PRLR: variants seen among roughly 807,000 people sequenced by gnomAD.
PRLR encodes prolactin receptor.
A neutral mutation model predicts 40.2 loss-of-function variants in PRLR; 13 were observed. The ratio of observed to expected loss-of-function variants is 0.32; its 90% CI spans 0.21 to 0.51. PRLR has a LOEUF of 0.51. Among genes scored for constraint, PRLR ranks in the 20% least tolerant of loss-of-function variants. The pLI, the probability that PRLR is intolerant of heterozygous loss-of-function variation, is 0.97. For synonymous variants in PRLR, 269 were observed against 278.7 expected, an observed-to-expected ratio of 0.97 and a Z score of 0.35; for missense variants, 656 against 747.3, an observed-to-expected ratio of 0.88 and a Z score of 1.42.
At chr5:35,165,007 A>C (rs943956976) in intron 1 of PRLR, among the ~76,000 whole-genome samples, 3 of 152,236 alleles carry the variant, frequency 2.0e-5, no homozygotes, top group Non-Finnish European at 2.9e-5. Context: ...GAGTCCCCTT[A>C]GTACATTTAC....
chr5:35,126,399 T>C (rs1221392189), intron 1 of PRLR, among the ~76,000 whole-genome samples: 1 of 152,244 alleles, frequency 6.6e-6, no homozygotes, highest in Non-Finnish European at 1.5e-5. Context: ...CATCCCAGGT[T>C]CTCACTTTTA....
chr5:35,164,978 C>T (rs561946678), intron 1 of PRLR, among the ~76,000 whole-genome samples: 6 of 152,226 alleles, frequency 3.9e-5, no homozygotes, highest in Non-Finnish European at 7.4e-5. Flanking sequence ...GGTCCACTTA[C>T]GAATGAGAGG....
At chr5:35,099,854 G>A (rs1252889953) in intron 2 of PRLR, among the ~76,000 whole-genome samples, 1 of 152,184 alleles carries the variant, frequency 6.6e-6, no homozygotes, top group Non-Finnish European at 1.5e-5. Flanking sequence ...GCTGAACAAT[G>A]TGTTTGTGTT....
intron 1 of PRLR, among the ~76,000 whole-genome samples, chr5:35,188,758 C>T (rs1042457206): frequency 4.6e-5 from 7 of 152,178 alleles, no homozygotes; most frequent in Admixed American, 6.5e-5. Context: ...ATCTCAATGC[C>T]GTCCACTGTC....
chr5:35,119,388 A>T (rs112932819), intron 1 of PRLR, among the ~76,000 whole-genome samples: 3,840 of 109,810 alleles, frequency 0.035, 55 homozygotes, highest in Middle Eastern at 0.074. Flanking sequence ...TCTCTCTCTC[A>T]CACACACACA....
chr5:35,089,698 T>C, intron 2 of PRLR, 35 bp from the exon 3 acceptor site: 10 of 1,397,796 alleles, frequency 7.2e-6, no homozygotes, highest in East Asian at 2.3e-5. Context: ...TTTTGTGAAA[T>C]GGCAGTCTGG....
chr5:35,122,229 C>T (rs1773315353), intron 1 of PRLR, among the ~76,000 whole-genome samples: 1 of 152,060 alleles, frequency 6.6e-6, no homozygotes, highest in African/African-American at 2.4e-5. Flanking sequence ...TACTGAAGTT[C>T]TTTCTTGTTT....
chr5:35,157,108 T>C (rs1774532192), intron 1 of PRLR, among the ~76,000 whole-genome samples: 1 of 152,018 alleles, frequency 6.6e-6, no homozygotes. Context: ...GTCACAAGAC[T>C]TGAGGAAGCT....
At chr5:35,167,816 A>T (rs1774886276) in intron 1 of PRLR, among the ~76,000 whole-genome samples, 1 of 151,892 alleles carries the variant, frequency 6.6e-6, no homozygotes, top group Admixed American at 6.6e-5. Flanking sequence ...AACAAAGAAG[A>T]TAAATGAAAA....
chr5:35,228,537 G>A (rs1247051037), intron 1 of PRLR, among the ~76,000 whole-genome samples: 1 of 152,182 alleles, frequency 6.6e-6, no homozygotes, highest in Admixed American at 6.5e-5. Context: ...CAAAGCCTTG[G>A]CCTCCCTGCC....
chr5:35,054,483 A>C (rs572133903), downstream of PRLR, among the ~76,000 whole-genome samples: 2 of 150,510 alleles, frequency 1.3e-5, no homozygotes, highest in African/African-American at 5.0e-5. Flanking sequence ...CATTTATGGC[A>C]ATGAAAATTA....
At chr5:35,198,651 C>T (rs906423810) in intron 1 of PRLR, among the ~76,000 whole-genome samples, 1 of 152,222 alleles carries the variant, frequency 6.6e-6, no homozygotes, top group Admixed American at 6.5e-5. Flanking sequence ...TACCAATCTT[C>T]TAAACAGAAA....
intron 2 of PRLR, among the ~76,000 whole-genome samples, chr5:35,099,748 T>C (rs754702253): frequency 2.9e-4 from 44 of 152,174 alleles, no homozygotes; most frequent in Non-Finnish European, 5.6e-4. Flanking sequence ...GTCTTAGTTT[T>C]TAATGAAAAA....
intron 1 of PRLR, among the ~76,000 whole-genome samples, chr5:35,156,826 C>T (rs1228117002): frequency 6.6e-6 from 1 of 152,066 alleles, no homozygotes; most frequent in Non-Finnish European, 1.5e-5. Flanking sequence ...GAGCTCCTGC[C>T]CCTGTGGCCC....
At chr5:35,052,513 T>C (rs1467663560), downstream of PRLR, among the ~76,000 whole-genome samples, 1 of 152,206 alleles carries the variant, frequency 6.6e-6, no homozygotes, top group Admixed American at 6.5e-5. Flanking sequence ...GCTGCCCTCC[T>C]GTCTGGTCCC....
Position 35,060,972 on chromosome 5 carries a change from T to A in PRLR, c.*4117A>T, listed in dbSNP as rs1769004156. On this transcript the variant is annotated 3_prime_UTR_variant, in exon 10 of 10. Coordinates refer to ENST00000618457, the MANE Select transcript of PRLR (RefSeq NM_000949.7). ...AGCCTCAATTTCTTATCAGGCAAAG[T>A]AAGTCACACTATTCACAACAGCTCT... The A allele has an allele frequency of 6.6e-6, 1 of 152,158 alleles. No homozygotes were observed. Among genetic ancestry groups the A allele is most frequent in the South Asian group, 2.1e-4 (1 of 4,824 alleles). The allele number at this position is 152,158 out of a possible 1,614,324, so 9.4% of individuals were successfully genotyped here. A position where few individuals can be genotyped will look rare whatever the true frequency, so the allele number is the denominator to read the frequency against.
rs984318013 is a variant in PRLR at position 35,061,151 on chromosome 5, A to T, written c.*3938T>A. The T allele has an allele frequency of 6.6e-6, 1 of 152,038 alleles. No homozygotes were observed. Among genetic ancestry groups the T allele is most frequent in the Non-Finnish European group, 1.5e-5 (1 of 68,024 alleles). The allele number at this position is 152,038 out of a possible 1,614,324, so 9.4% of individuals were successfully genotyped here. A position where few individuals can be genotyped will look rare whatever the true frequency, so the allele number is the denominator to read the frequency against. On this transcript the variant is annotated 3_prime_UTR_variant, in exon 10 of 10. Transcript: ENST00000618457. Reference sequence around the variant, plus strand: ...ATATATATATAATCCCTATAAGGCAAATGTTACTTTCTAATCAATACATTT... The same window carrying T: ...ATATATATATAATCCCTATAAGGCATATGTTACTTTCTAATCAATACATTT...
In PRLR at chr5:35,097,007, T is replaced by A. The variant is rs545305872; in HGVS notation, c.-43-7344A>T. On this transcript the variant is annotated intron_variant, in intron 2 of 9. Transcript: ENST00000618457. The stretch of plus-strand genomic sequence containing the variant: ...CCCACTTGGAAGGACATGGGCATTT[T>A]AAAAAAAACCTTTCTAGATGATTCT... 1.1e-3 allele frequency among the ~76,000 whole-genome samples: 173 copies of A among 152,130 alleles called. 1 individual carries two copies. The highest frequency in any genetic ancestry group is 4.1e-3 in the African/African-American group (170 of 41,520).
At chr5:35,197,637 A>G (rs763594916) in intron 1 of PRLR, among the ~76,000 whole-genome samples, 14 of 152,198 alleles carry the variant, frequency 9.2e-5, no homozygotes, top group African/African-American at 1.4e-4. Context: ...TACAGGCCTA[A>G]GTTTGGGTGG....
Sources: gnomAD v4.1 joint callset for allele counts (sites outside exome capture counted in the v4.1 genomes callset) on GRCh38, gnomAD v4.1.1 for gene constraint, MANE v1.5 for transcripts, NCBI Gene and HGNC (gene_info 2026-07-23, HGNC 2026-07-21) for gene names.